PEX6: variants seen among roughly 807,000 people sequenced by gnomAD.
PEX6 encodes the protein peroxisomal biogenesis factor 6, also known as peroxisome biogenesis factor 6.
A neutral mutation model predicts 85.6 loss-of-function variants in PEX6; 55 were observed. The observed-to-expected ratio is 0.64, with a 90% CI of 0.52 to 0.80. PEX6 has a LOEUF of 0.80. PEX6 is among the 30% of genes least tolerant of loss of function. The probability of loss-of-function intolerance (pLI) is 0.00; values close to 1 mark genes in which losing one functional copy is unlikely to be tolerated. For synonymous variants in PEX6, 519 were observed against 549.1 expected, an observed-to-expected ratio of 0.95 and a Z score of 0.77; for missense variants, 1,099 against 1,260.3, an observed-to-expected ratio of 0.87 and a Z score of 1.94.
In PEX6 at chr6:42,978,944, G is replaced by A. The variant is rs11539736; in HGVS notation, c.207C>T (p.Pro69=). The change falls in exon 1 of 17, where the codon CCC becomes CCT. Residue 69 remains proline, a synonymous_variant. Coordinates refer to ENST00000304611, the MANE Select transcript of PEX6 (RefSeq NM_000287.4). The part of the protein sequence containing the change: ...GPDAGTEEQG[P]GPPQLLVSRA... ...GGCTAACCAGTAGCTGCGGCGGCCC[G>A]GGACCCTGCTCTTCGGTGCCCGCGT... 3.9e-3 allele frequency: 5,846 copies of A among 1,494,790 alleles called. 187 individuals carry two copies. In the African/African-American group the frequency reaches 0.075, roughly 19 times the overall value. The allele number at this position is 1,494,790 out of a possible 1,614,324, so 92.6% of individuals were successfully genotyped here.
rs753408034 is a variant in PEX6 at position 42,966,858 on chromosome 6, C to G, written c.1885G>C (p.Gly629Arg). The part of the protein sequence containing the change: ...NLAQLARRCA[G>R]FVVGDLYALL... Reference sequence around the variant, plus strand: ...GCATAGAGATCCCCTACCACAAAGCCCTAGGGAACCACAGGAAAGGACACA... The same window carrying G: ...GCATAGAGATCCCCTACCACAAAGCGCTAGGGAACCACAGGAAAGGACACA... Residue 629 changes from glycine (G) to arginine (R), a missense_variant and splice_region_variant, in exon 9 of 17, where the codon GGC becomes CGC. Gly to Arg is a moderately radical substitution (Grantham distance 125). This residue lies in a region of PEX6 where 514 missense variants were observed against 627.0 expected (regional missense o/e 0.82). Transcript: ENST00000304611. 1.9e-6 allele frequency: 3 copies of G among 1,611,932 alleles called. No homozygotes were observed. The African/African-American group carries it at 4.0e-5, about 22-fold the overall frequency.
intron 12 of PEX6, 38 bp downstream of exon 12, chr6:42,966,006 G>A: frequency 6.2e-7 from 1 of 1,609,072 alleles, no homozygotes; most frequent in Non-Finnish European, 8.5e-7. Flanking sequence ...TCGGGGTTTG[G>A]GAAGCATGGG....
chr6:42,973,761 T>C (rs927237692), intron 3 of PEX6, among the ~76,000 whole-genome samples: 3 of 152,062 alleles, frequency 2.0e-5, no homozygotes, highest in Non-Finnish European at 2.9e-5. Context: ...GCAGAGGCAG[T>C]GCTGAGGTGG....
chr6:42,968,838 G>A, intron 6 of PEX6, 36 bp downstream of exon 6: 1 of 1,419,222 alleles, frequency 7.0e-7, no homozygotes, highest in Non-Finnish European at 1.0e-6. Context: ...CTGGGGAGGG[G>A]AAGTAGCTGG....
chr6:42,966,179 C>T lies in PEX6; in HGVS notation c.2300+63G>A, dbSNP rs1769794900. On this transcript the variant is annotated intron_variant, in intron 11 of 16. Coordinates refer to ENST00000304611, the MANE Select transcript of PEX6 (RefSeq NM_000287.4). ...ACAATTGACCTCTTGGGCAGCCCCT[C>T]CTGCTCCCCAGCCTGCTGCAGCCCC... 14 of 1,608,198 alleles carry T rather than the reference C, an allele frequency of 8.7e-6. No individual in the cohort carries two copies. The East Asian group carries it at 2.9e-4, about 33-fold the overall frequency.
At chr6:42,969,541 T>G (rs943777277) in intron 5 of PEX6, 127 bp downstream of exon 5, 1 of 1,162,958 alleles carries the variant, frequency 8.6e-7, no homozygotes, top group African/African-American at 1.5e-5. Context: ...TAGGACATAC[T>G]GGTTTGAGGA....
chr6:42,966,047 C>T lies in PEX6; in HGVS notation c.2359G>A (p.Glu787Lys), dbSNP rs202019439. Residue 787 changes from glutamate (E) to lysine (K), a missense_variant, in exon 12 of 17, where the codon GAA becomes AAA. Around this residue, in one of 3 missense-constraint regions of PEX6, gnomAD observed 514 missense variants for 627.0 expected, o/e 0.82. Coordinates refer to ENST00000304611, the MANE Select transcript of PEX6 (RefSeq NM_000287.4). ...YVGQSEENVR[E>K]VFARARAAAP... ...CTGCCCCTCCCTGCTCACTCACCTT[C>T]CCGCACATTCTCCTCACTTTGGCCC... is the stretch of plus-strand genomic sequence containing the variant. 101 of 1,613,896 alleles carry T rather than the reference C, an allele frequency of 6.3e-5. No homozygotes were observed. The highest frequency in any genetic ancestry group is 6.8e-5 in the Non-Finnish European group (80 of 1,180,024).
In PEX6 at chr6:42,964,546, C is replaced by G. The variant is rs1000940698; in HGVS notation, c.2807-75G>C. 7.8e-6 allele frequency: 12 copies of G among 1,547,158 alleles called. No homozygotes were observed. The highest frequency in any genetic ancestry group is 1.1e-5 in the Non-Finnish European group (12 of 1,122,786). ...AGCCCTGCGAAGGTGGCTTCCTGCT[C>G]AGGGTCTCCTAGATGTCAATGATCT... On this transcript the variant is annotated intron_variant, in intron 16 of 16. Transcript: ENST00000304611. This position sits in a 1 kb window ranked among gnomAD's most constrained non-coding sequence, Gnocchi z 4.6.
rs1234647349 is a variant in PEX6, at chr6:42,965,880, C to G, written c.2363-91G>C. The G allele has an allele frequency of 7.6e-7, 1 of 1,312,668 alleles. No homozygotes were observed. The highest frequency in any genetic ancestry group is 1.1e-6 in the Non-Finnish European group (1 of 909,788). 81.3% of individuals were successfully genotyped at this position (1,312,668 alleles called of 1,614,324 possible). On this transcript the variant is annotated intron_variant, in intron 12 of 16. Transcript: ENST00000304611. This position sits in a 1 kb window ranked among gnomAD's most constrained non-coding sequence, Gnocchi z 5.0. ...AGCAGGGAGGGAAACTGGGGCCTGA[C>G]AATACAGCACTGGCATCCCAGGTAC...
rs550722513 is a variant in PEX6, at chr6:42,969,518, T to G, written c.1367+150A>C. ...AATTGGCTTACAGAAAGGAGTGGCCTGGTGGCCTTGTGTAGGACATACTGG... is the reference window on the plus strand; with the variant it reads ...AATTGGCTTACAGAAAGGAGTGGCCGGGTGGCCTTGTGTAGGACATACTGG... On this transcript the variant is annotated intron_variant, in intron 5 of 16. Transcript: ENST00000304611. The G allele has an allele frequency of 5.2e-4, 469 of 906,640 alleles. 1 individual carries two copies. The highest frequency in any genetic ancestry group is 7.1e-4 in the Non-Finnish European group (393 of 555,870). 56.2% of individuals were successfully genotyped at this position (906,640 alleles called of 1,614,324 possible).
chr6:42,975,750 G>A (rs779640087), intron 1 of PEX6, among the ~76,000 whole-genome samples: 15 of 148,150 alleles, frequency 1.0e-4, no homozygotes, highest in East Asian at 2.0e-4. Flanking sequence ...TCACTTTGTC[G>A]CCCATGATGA....
chr6:42,966,360 G>C lies in PEX6; in HGVS notation c.2182C>G (p.Pro728Ala). Residue 728 changes from proline (P) to alanine (A), a missense_variant, in exon 11 of 17, where the codon CCT becomes GCT. Around this residue, in one of 3 missense-constraint regions of PEX6, gnomAD observed 514 missense variants for 627.0 expected, o/e 0.82. Coordinates refer to ENST00000304611, the MANE Select transcript of PEX6 (RefSeq NM_000287.4). ...LETIQLPLEH[P>A]ELLSLGLRRS... is the part of the protein sequence containing the mutation. The stretch of plus-strand genomic sequence containing the variant: ...CTCAGGCCCAGGCTCAGTAGCTCAG[G>C]GTGCTCCAGGGGGAGCTGAATGGTC... 6.2e-7 allele frequency: 1 copy of C among 1,613,984 alleles called. No homozygotes were observed.
Position 42,973,982 on chromosome 6 carries a change from G to A in PEX6, c.1130+21C>T, listed in dbSNP as rs1770162910. The A allele has an allele frequency of 5.7e-6, 9 of 1,569,852 alleles. No homozygotes were observed. The East Asian group carries it at 8.9e-5, about 16-fold the overall frequency. The stretch of plus-strand genomic sequence containing the variant: ...ACCCAGGTTACAAATCCCAGCTGTA[G>A]GACAGAAGGCAGCTGCATACCTGGG... On this transcript the variant is annotated intron_variant, in intron 3 of 16. Coordinates refer to ENST00000304611, the MANE Select transcript of PEX6 (RefSeq NM_000287.4).
chr6:42,974,442 G>GTTTTTGTTTTTTTTTTTTTTTTTT (rs1561827292), intron 2 of PEX6, among the ~76,000 whole-genome samples: 1 of 115,946 alleles, frequency 8.6e-6, no homozygotes, highest in Non-Finnish European at 1.7e-5. Context: ...TGTCTGAAAT[G>GTTTTTGTTTTTTTTTTTTTTTTTT]TTTTTTTTGT....
intron 2 of PEX6, 133 bp from the exon 3 acceptor site, chr6:42,974,219 C>A: frequency 1.4e-6 from 1 of 712,944 alleles, no homozygotes; most frequent in Non-Finnish European, 2.5e-6. Flanking sequence ...CGCAGTTCTC[C>A]AAGGAACAAG....
Position 42,965,225 on chromosome 6 carries a change from TG to T in PEX6, c.2588+26del, listed in dbSNP as rs537970715. On this transcript the variant is annotated intron_variant, in intron 14 of 16. Coordinates refer to ENST00000304611, the MANE Select transcript of PEX6 (RefSeq NM_000287.4). This position sits in a 1 kb window ranked among gnomAD's most constrained non-coding sequence, Gnocchi z 5.0. ...GGGTGAAGGAGGCACAAAATGAGGGTGGAGATGAGCAGTACAAGGGGCCCAC... is the reference window on the plus strand; with the variant it reads ...GGGTGAAGGAGGCACAAAATGAGGGTGAGATGAGCAGTACAAGGGGCCCAC... 162 of 1,607,544 alleles carry T rather than the reference TG, an allele frequency of 1.0e-4. No homozygotes were observed. In the African/African-American group the frequency reaches 1.9e-3, roughly 19 times the overall value.
chr6:42,978,165 C>A, intron 1 of PEX6, 104 bp downstream of exon 1: 1 of 1,378,060 alleles, frequency 7.3e-7, no homozygotes, highest in Non-Finnish European at 1.0e-6. Context: ...TGTTCAAAGT[C>A]CGGGATGATA....
Position 42,968,883 on chromosome 6 carries a change from G to A in PEX6, c.1470C>T (p.His490=), listed in dbSNP as rs897608716. The change falls in exon 6 of 17, where the codon CAC becomes CAT. Residue 490 remains histidine, a synonymous_variant. Transcript: ENST00000304611. ...VAAACSHLGL[H]LLKVPCSSLC... is the part of the protein sequence containing the mutation. ...CTCCAGAGACCCTCACCTTCAGTAA[G>A]TGGAGCCCAAGGTGACTACAGGCAG... 1 of 1,612,482 alleles carries A rather than the reference G, an allele frequency of 6.2e-7. No individual in the cohort carries two copies. Among genetic ancestry groups the A allele is most frequent in the Non-Finnish European group, 8.5e-7 (1 of 1,178,518 alleles).
At chr6:42,977,425 T>G (rs1310845125) in intron 1 of PEX6, among the ~76,000 whole-genome samples, 1 of 151,758 alleles carries the variant, frequency 6.6e-6, no homozygotes, top group Non-Finnish European at 1.5e-5. Flanking sequence ...AACTTCACCT[T>G]TCACCTGAAT....
Sources: gnomAD v4.1 joint callset for allele counts (sites outside exome capture counted in the v4.1 genomes callset) on GRCh38, gnomAD v4.1.1 for gene constraint, gnomAD v4.1.1 regional missense constraint, Gnocchi (gnomAD v3.1) non-coding constraint, MANE v1.5 for transcripts, NCBI Gene and HGNC (gene_info 2026-07-23, HGNC 2026-07-21) for gene names.